THOP1: variants seen among roughly 807,000 people sequenced by gnomAD.
THOP1 encodes the protein thimet oligopeptidase.
THOP1 carries 49 observed loss-of-function variants against 71.8 expected under a neutral mutation model. The ratio of observed to expected loss-of-function variants is 0.68; its 90% CI spans 0.54 to 0.87. The LOEUF (loss-of-function observed/expected upper bound fraction) is 0.87, where lower values mean the gene tolerates loss of function less well. Ranked by LOEUF, THOP1 falls within the 40% of genes least tolerant of loss-of-function variation. THOP1 has a pLI of 0.00. For missense variants in THOP1, 843 were observed against 975.6 expected, an observed-to-expected ratio of 0.86 and a Z score of 1.81; for synonymous variants, 426 against 421.5, an observed-to-expected ratio of 1.01 and a Z score of -0.13.
chr19:2,808,083 T>C (rs1916355724), intron 8 of THOP1, 160 bp from the exon 9 acceptor site: 1 of 911,484 alleles, frequency 1.1e-6, no homozygotes, highest in Non-Finnish European at 1.6e-6. Context: ...GTGGTTTTCA[T>C]GCTGCCCTGC....
intron 2 of THOP1, among the ~76,000 whole-genome samples, chr19:2,791,163 C>G (rs1390659337): frequency 6.6e-6 from 1 of 152,210 alleles, no homozygotes; most frequent in Admixed American, 6.5e-5. Flanking sequence ...CAGCCCGATC[C>G]TCCTCCTCTC....
At position 2,807,562 on chromosome 19, in the gene THOP1, A is replaced by T; in HGVS notation, c.1007A>T (p.Asp336Val). The change falls in exon 8 of 13, where the codon GAC becomes GTC. Residue 336 changes from aspartate to valine, a missense_variant. By Grantham distance (152) the Asp-to-Val change is radical. Coordinates refer to ENST00000307741, the MANE Select transcript of THOP1 (RefSeq NM_003249.5). Reference sequence around the variant, plus strand: ...TTCGACGGCCGCATCCGTGCCTGGGACATGCGCTACTACATGAACCAGGTG... The same window carrying T: ...TTCGACGGCCGCATCCGTGCCTGGGTCATGCGCTACTACATGAACCAGGTG... ...LPFDGRIRAWDMRYYMNQVEE... is the reference protein window; with the variant it reads ...LPFDGRIRAWVMRYYMNQVEE... 1 of 1,612,682 alleles carries T rather than the reference A, an allele frequency of 6.2e-7. No homozygotes were observed. The highest frequency in any genetic ancestry group is 2.2e-5 in the East Asian group (1 of 44,864).
At position 2,810,229 on chromosome 19, in the gene THOP1, G is replaced by C. The variant is rs529639738; in HGVS notation, c.1456-75G>C. The C allele has an allele frequency of 3.0e-5, 46 of 1,528,856 alleles. No individual in the cohort carries two copies. In the African/African-American group the frequency reaches 5.3e-4, roughly 18 times the overall value. The allele number at this position is 1,528,856 out of a possible 1,614,324, so 94.7% of individuals were successfully genotyped here. On this transcript the variant is annotated intron_variant, in intron 9 of 12. Coordinates refer to ENST00000307741, the MANE Select transcript of THOP1 (RefSeq NM_003249.5). ...CACTCGCCCTGTTTGCACTGTGGCA[G>C]CTGACACGGGCCAGGCCGGCGGGAA... is the stretch of plus-strand genomic sequence containing the variant.
At position 2,811,770 on chromosome 19, in the gene THOP1, ACGGCAAGG is replaced by A. The variant is rs1294865171; in HGVS notation, c.1908+37_1908+44del. ...ACTGGGGACAGGGAGGGCGTCCTGAACGGCAAGGTACGCGGGGACTGGGGACAGGGAGG... is the reference window on the plus strand; with the variant it reads ...ACTGGGGACAGGGAGGGCGTCCTGAATACGCGGGGACTGGGGACAGGGAGG... On this transcript the variant is annotated intron_variant, in intron 12 of 12. Transcript: ENST00000307741. 1.4e-4 allele frequency: 210 copies of A among 1,555,374 alleles called. 3 individuals carry two copies. Among genetic ancestry groups the A allele is most frequent in the Admixed American group, 3.1e-4 (18 of 57,432 alleles).
chr19:2,797,778 A>G (rs758834207), intron 4 of THOP1, among the ~76,000 whole-genome samples: 3 of 152,234 alleles, frequency 2.0e-5, no homozygotes, highest in East Asian at 1.9e-4. Context: ...ACACAGTTCA[A>G]TCAGGTCCCA....
Position 2,790,562 on chromosome 19 carries a change from C to T in THOP1, c.158C>T (p.Thr53Ile). Residue 53 changes from threonine (T) to isoleucine (I), a missense_variant, in exon 2 of 13, where the codon ACC (threonine) becomes ATC (isoleucine). Transcript: ENST00000307741. ...QTKRVYDQVG[T>I]QEFEDVSYES... ...AAGCGCGTGTATGACCAGGTTGGCA[C>T]CCAGGAGTTTGAGGACGTGTCCTAC... 1 of 1,607,158 alleles carries T rather than the reference C, an allele frequency of 6.2e-7. No individual in the cohort carries two copies. Among genetic ancestry groups the T allele is most frequent in the African/African-American group, 1.3e-5 (1 of 74,700 alleles).
chr19:2,786,064 A>C (rs970058755), intron 1 of THOP1, among the ~76,000 whole-genome samples: 3 of 151,658 alleles, frequency 2.0e-5, no homozygotes, highest in African/African-American at 7.3e-5. Flanking sequence ...ATAAACACGA[A>C]CGGGGCAGTC....
intron 9 of THOP1, chr19:2,809,475 G>A (rs914980009): frequency 5.9e-5 from 9 of 152,224 alleles, no homozygotes; most frequent in South Asian, 2.1e-4. Flanking sequence ...GACAGAGTGC[G>A]GCCCTTCTGA....
chr19:2,804,888 C>A lies in THOP1; in HGVS notation c.590-128C>A. Reference sequence around the variant, plus strand: ...ATTGCAGCGGGTGGTGGCCAGGCTGCAGCTGCTCGCTGAGGGCCCCCTTGT... The same window carrying A: ...ATTGCAGCGGGTGGTGGCCAGGCTGAAGCTGCTCGCTGAGGGCCCCCTTGT... On this transcript the variant is annotated intron_variant, in intron 5 of 12. Transcript: ENST00000307741. The surrounding 1 kb of genome is among the most constrained non-coding windows in gnomAD (Gnocchi z 4.7). 1.1e-6 allele frequency: 1 copy of A among 899,750 alleles called. No individual in the cohort carries two copies. Among genetic ancestry groups the A allele is most frequent in the Non-Finnish European group, 1.6e-6 (1 of 614,978 alleles). 55.7% of individuals were successfully genotyped at this position (899,750 alleles called of 1,614,324 possible).
chr19:2,796,083 G>C lies in THOP1; in HGVS notation c.381G>C (p.Glu127Asp), dbSNP rs749027608. Reference sequence around the variant, plus strand: ...ATGCTTTGATGTTTTTATTCCAGGAGAAAGTTCAGAAGGACTCACTGAGGC... The same window carrying C: ...ATGCTTTGATGTTTTTATTCCAGGACAAAGTTCAGAAGGACTCACTGAGGC... Reference protein sequence around the residue: ...DVYQRIVWLQEKVQKDSLRPE... With the variant: ...DVYQRIVWLQDKVQKDSLRPE... Residue 127 changes from glutamate to aspartate, a missense_variant and splice_region_variant, in exon 4 of 13, where the codon GAG (glutamate) becomes GAC (aspartate). Glu to Asp is a conservative substitution (Grantham distance 45). Transcript: ENST00000307741. The C allele has an allele frequency of 6.2e-7, 1 of 1,613,358 alleles. No homozygotes were observed. Among genetic ancestry groups the C allele is most frequent in the South Asian group, 1.1e-5 (1 of 91,064 alleles).
In THOP1 at chr19:2,805,191, C is replaced by T; in HGVS notation, c.750+15C>T. On this transcript the variant is annotated intron_variant, in intron 6 of 12. Coordinates refer to ENST00000307741, the MANE Select transcript of THOP1 (RefSeq NM_003249.5). The surrounding 1 kb of genome is among the most constrained non-coding windows in gnomAD (Gnocchi z 6.6). ...GGTGCAAGGAGGTGAGAAGGCACGG[C>T]CAGGGGGCCCCAGAACAGTGGGTCT... is the stretch of plus-strand genomic sequence containing the variant. 1 of 1,604,010 alleles carries T rather than the reference C, an allele frequency of 6.2e-7. No individual in the cohort carries two copies. Among genetic ancestry groups the T allele is most frequent in the Non-Finnish European group, 8.5e-7 (1 of 1,175,488 alleles).
chr19:2,793,605 G>T (rs554525266), intron 2 of THOP1, among the ~76,000 whole-genome samples: 1 of 151,994 alleles, frequency 6.6e-6, no homozygotes, highest in African/African-American at 2.4e-5. Flanking sequence ...CAGGAGAATC[G>T]CTTGAACCCA....
chr19:2,787,686 A>G (rs572213880), intron 1 of THOP1, among the ~76,000 whole-genome samples: 1 of 152,158 alleles, frequency 6.6e-6, no homozygotes, highest in South Asian at 2.1e-4. Flanking sequence ...TTTCCCACTT[A>G]GCGAATATCA....
At position 2,805,802 on chromosome 19, in the gene THOP1, C is replaced by T. The variant is rs938663566; in HGVS notation, c.750+626C>T. 4.6e-5 allele frequency among the ~76,000 whole-genome samples: 7 copies of T among 151,448 alleles called. No individual in the cohort carries two copies. Among genetic ancestry groups the T allele is most frequent in the African/African-American group, 1.2e-4 (5 of 41,196 alleles). On this transcript the variant is annotated intron_variant, in intron 6 of 12. Transcript: ENST00000307741. This position sits in a 1 kb window ranked among gnomAD's most constrained non-coding sequence, Gnocchi z 6.6. ...ACGCTGATCACTGCAAAGGGATGGG[C>T]GGGCACTGATCACTGCAAGGGGACG... is the stretch of plus-strand genomic sequence containing the variant.
In THOP1 at chr19:2,790,610, C is replaced by A; in HGVS notation, c.206C>A (p.Ala69Asp). The A allele has an allele frequency of 6.3e-7, 1 of 1,576,588 alleles. No homozygotes were observed. Among genetic ancestry groups the A allele is most frequent in the Non-Finnish European group, 8.6e-7 (1 of 1,163,064 alleles). Residue 69 changes from alanine (A) to aspartate (D), a missense_variant, in exon 2 of 13, where the codon GCC (alanine) becomes GAC (aspartate). Transcript: ENST00000307741. ...VSYESTLKAL[A>D]DVEVTYTVQR... ...TACGAGAGCACGCTCAAGGCGCTGGCCGATGTGGAGGTCACCTACACAGGT... is the reference window on the plus strand; with the variant it reads ...TACGAGAGCACGCTCAAGGCGCTGGACGATGTGGAGGTCACCTACACAGGT...
In THOP1 at chr19:2,786,765, A is replaced by ATTTTTTTTTTTTTTTT. The variant is rs550767741; in HGVS notation, c.16+1102_16+1103insTTTTTTTTTTTTTTTT. Among the ~76,000 whole-genome samples, 151 of 101,118 alleles carry ATTTTTTTTTTTTTTTT rather than the reference A, an allele frequency of 1.5e-3. 13 individuals are homozygous for ATTTTTTTTTTTTTTTT. Among genetic ancestry groups the ATTTTTTTTTTTTTTTT allele is most frequent in the African/African-American group, 4.7e-3 (90 of 19,126 alleles). 66.3% of individuals were successfully genotyped at this position (101,118 alleles called of 152,430 possible). On this transcript the variant is annotated intron_variant, in intron 1 of 12. Coordinates refer to ENST00000307741, the MANE Select transcript of THOP1 (RefSeq NM_003249.5). ...AGGCGCCCACCACCACACCTGGCTA[A>ATTTTTTTTTTTTTTTT]TTTTTTTTTTTTTTTGGAGATAGAG...
At chr19:2,802,504 CCAA>C (rs987887684) in intron 5 of THOP1, among the ~76,000 whole-genome samples, 7 of 147,590 alleles carry the variant, frequency 4.7e-5, no homozygotes, top group Middle Eastern at 3.2e-3. Flanking sequence ...CCTCCCGACA[CCAA>C]CACCTCACGA....
intron 11 of THOP1, 136 bp downstream of exon 11, chr19:2,810,904 A>G: frequency 7.3e-7 from 1 of 1,363,038 alleles, no homozygotes; most frequent in Non-Finnish European, 9.7e-7. Flanking sequence ...AGCGCGTCCC[A>G]GGCTCCTCGG....
chr19:2,796,805 C>T (rs1275016816), intron 4 of THOP1, among the ~76,000 whole-genome samples: 1 of 152,178 alleles, frequency 6.6e-6, no homozygotes, highest in Non-Finnish European at 1.5e-5. Flanking sequence ...GACCTGAACT[C>T]TGGCAAGGCA....
Sources: allele counts gnomAD v4.1 joint callset (sites outside exome capture counted in the v4.1 genomes callset), GRCh38; gene constraint gnomAD v4.1.1; non-coding constraint Gnocchi (gnomAD v3.1); transcripts MANE v1.5; gene names NCBI Gene and HGNC (gene_info 2026-07-23, HGNC 2026-07-21).